The following FASTKD1 variants were observed in gnomAD, a reference collection of about 807,000 sequenced individuals.
FASTKD1 encodes the protein FAST kinase domains 1.
In FASTKD1, 94 loss-of-function variants were observed where a neutral mutation model predicts 90.9. The observed-to-expected ratio is 1.03, with a 90% CI of 0.88 to 1.23. The LOEUF (loss-of-function observed/expected upper bound fraction) is 1.23. Ranked by LOEUF, FASTKD1 falls within the 50% of genes most tolerant of loss-of-function variation. The probability of loss-of-function intolerance (pLI) is 0.00; values close to 1 mark genes in which losing one functional copy is unlikely to be tolerated. For missense variants in FASTKD1, 945 were observed against 993.5 expected, an observed-to-expected ratio of 0.95 and a Z score of 0.66; for synonymous variants, 319 against 345.8, an observed-to-expected ratio of 0.92 and a Z score of 0.86.
chr2:169,536,168 G>T (rs555263090), intron 12 of FASTKD1, among the ~76,000 whole-genome samples: 1 of 152,198 alleles, frequency 6.6e-6, no homozygotes, highest in South Asian at 2.1e-4. Context: ...CAAGGATAGT[G>T]TTAAATGCTT....
intron 9 of FASTKD1, among the ~76,000 whole-genome samples, chr2:169,542,721 T>A (rs1431335801): frequency 6.6e-6 from 1 of 152,184 alleles, no homozygotes; most frequent in Non-Finnish European, 1.5e-5. Flanking sequence ...ATAATTTTTT[T>A]AAAGACCTTT....
chr2:169,564,683 T>C (rs992276277), intron 3 of FASTKD1, among the ~76,000 whole-genome samples: 3 of 152,100 alleles, frequency 2.0e-5, no homozygotes, highest in African/African-American at 7.2e-5. Context: ...TTATTTTTTT[T>C]TACCCATTAA....
intron 3 of FASTKD1, among the ~76,000 whole-genome samples, chr2:169,566,367 T>C (rs913783735): frequency 6.6e-6 from 1 of 152,186 alleles, no homozygotes; most frequent in Non-Finnish European, 1.5e-5. Flanking sequence ...TTGTTGAAGC[T>C]GGAGGATGGG....
chr2:169,548,790 A>T lies in FASTKD1; in HGVS notation c.1215-2086T>A, dbSNP rs542706056. ...ATAGAAGTAGTGGAAGGAATAATACAATCTAAATTAAAACAAAATTGAGGC... is the reference window on the plus strand; with the variant it reads ...ATAGAAGTAGTGGAAGGAATAATACTATCTAAATTAAAACAAAATTGAGGC... On this transcript the variant is annotated intron_variant, in intron 7 of 14. Transcript: ENST00000453153. Among the ~76,000 whole-genome samples, 19 of 151,306 alleles carry T rather than the reference A, an allele frequency of 1.3e-4. No homozygotes were observed. In the East Asian group the frequency reaches 3.7e-3, roughly 30 times the overall value.
At chr2:169,562,358 G>A (rs564942969) in intron 4 of FASTKD1, among the ~76,000 whole-genome samples, 3 of 151,758 alleles carry the variant, frequency 2.0e-5, no homozygotes, top group South Asian at 2.1e-4. Context: ...TCAGCCTCCC[G>A]AGTAGCTGGG....
In FASTKD1 at chr2:169,560,542, A is replaced by C; in HGVS notation, c.816T>G (p.Leu272=). Residue 272 remains leucine, a synonymous_variant, in exon 5 of 15, where the codon CTT becomes CTG. Transcript: ENST00000453153. ...HLDLDSISKI[L]SVYKFLQFNS... is the part of the protein sequence containing the mutation. Reference sequence around the variant, plus strand: ...TAAATTGTAGAAATTTGTATACACTAAGTATTTTACTGATGGAATCCAAAT... The same window carrying C: ...TAAATTGTAGAAATTTGTATACACTCAGTATTTTACTGATGGAATCCAAAT... 6.2e-7 allele frequency: 1 copy of C among 1,604,210 alleles called. No individual in the cohort carries two copies. Among genetic ancestry groups the C allele is most frequent in the Non-Finnish European group, 8.5e-7 (1 of 1,175,704 alleles).
At chr2:169,530,046 G>T in intron 14 of FASTKD1, 120 bp from the exon 15 acceptor site, 1 of 713,834 alleles carries the variant, frequency 1.4e-6, no homozygotes, top group Non-Finnish European at 2.3e-6. Context: ...GTTTACATAA[G>T]GATAGCCTGT....
chr2:169,540,200 T>C lies in FASTKD1; in HGVS notation c.1817-21A>G, dbSNP rs551796975. 1.0e-5 allele frequency: 16 copies of C among 1,526,484 alleles called. No homozygotes were observed. The South Asian group carries it at 1.8e-4, about 17-fold the overall frequency. The allele number at this position is 1,526,484 out of a possible 1,614,324, so 94.6% of individuals were successfully genotyped here. A position where few individuals can be genotyped will look rare whatever the true frequency, so the allele number is the denominator to read the frequency against. On this transcript the variant is annotated intron_variant, in intron 9 of 14. Coordinates refer to ENST00000453153, the MANE Select transcript of FASTKD1 (RefSeq NM_024622.6). ...TATACCTAAAAGAAAATTAAGATTTTTTTAAAGGTATAGCTGCCTCACTTA... is the reference window on the plus strand; with the variant it reads ...TATACCTAAAAGAAAATTAAGATTTCTTTAAAGGTATAGCTGCCTCACTTA...
At chr2:169,570,180 C>T (rs1254490690) in intron 2 of FASTKD1, among the ~76,000 whole-genome samples, 1 of 152,156 alleles carries the variant, frequency 6.6e-6, no homozygotes, top group East Asian at 1.9e-4. Flanking sequence ...GAGAAAACTG[C>T]TCTTTTTCAT....
intron 9 of FASTKD1, 133 bp from the exon 10 acceptor site, chr2:169,540,312 A>T: frequency 1.1e-6 from 1 of 899,204 alleles, no homozygotes; most frequent in Admixed American, 3.4e-5. Context: ...CACTGTTACA[A>T]GACAGGATAA....
intron 4 of FASTKD1, among the ~76,000 whole-genome samples, chr2:169,561,866 ATTAT>A (rs1250218187): frequency 6.7e-5 from 9 of 133,842 alleles, no homozygotes; most frequent in Admixed American, 1.5e-4. Context: ...TTGTAAAATA[ATTAT>A]TTATTAATTT....
intron 7 of FASTKD1, among the ~76,000 whole-genome samples, chr2:169,547,884 C>CAA (rs1158292826): frequency 0.029 from 619 of 21,332 alleles, 82 homozygotes; most frequent in Middle Eastern, 0.12. Flanking sequence ...GACTCCATCT[C>CAA]AAAAAAAAAA....
chr2:169,561,665 T>C (rs1277926967), intron 4 of FASTKD1, among the ~76,000 whole-genome samples: 1 of 149,620 alleles, frequency 6.7e-6, no homozygotes, highest in Non-Finnish European at 1.5e-5. Context: ...AATTTGTTTA[T>C]AAATTAATTA....
At chr2:169,570,265 C>G (rs1684172375) in intron 2 of FASTKD1, among the ~76,000 whole-genome samples, 1 of 152,074 alleles carries the variant, frequency 6.6e-6, no homozygotes, top group Non-Finnish European at 1.5e-5. Flanking sequence ...AGCCTTCATT[C>G]AGGGAACCCA....
Position 169,563,277 on chromosome 2 carries a change from C to G in FASTKD1, c.520G>C (p.Gly174Arg). 1 of 1,611,820 alleles carries G rather than the reference C, an allele frequency of 6.2e-7. No homozygotes were observed. Among genetic ancestry groups the G allele is most frequent in the Non-Finnish European group, 8.5e-7 (1 of 1,179,174 alleles). ...DQHLYFSPLM[G>R]KIADIVHRNL... The stretch of plus-strand genomic sequence containing the variant: ...CTATGAACAATATCAGCTATTTTTC[C>G]CATTAATGGACTAAAATACAAATGC... The change falls in exon 4 of 15, where the codon GGA becomes CGA. Residue 174 changes from glycine (G) to arginine (R), a missense_variant. Gly to Arg is a moderately radical substitution (Grantham distance 125). Transcript: ENST00000453153.
intron 2 of FASTKD1, among the ~76,000 whole-genome samples, chr2:169,570,193 G>A (rs2683449): frequency 0.74 from 112,632 of 152,144 alleles, 42,015 homozygotes; most frequent in East Asian, 0.95. Flanking sequence ...TTTTTCATCA[G>A]TGAGACTAAT....
At position 169,563,281 on chromosome 2, in the gene FASTKD1, TAATGGACTAA is replaced by T. The variant is rs1683794151; in HGVS notation, c.506_515del (p.Phe169Ter). ...GAACAATATCAGCTATTTTTCCCAT[TAATGGACTAA>T]AATACAAATGCTGATCTGCTAGGCA... On this transcript the variant is annotated frameshift_variant, in exon 4 of 15. Coordinates refer to ENST00000453153, the MANE Select transcript of FASTKD1 (RefSeq NM_024622.6). LOFTEE classifies it high-confidence loss of function. 1.9e-6 allele frequency: 3 copies of T among 1,612,364 alleles called. No individual in the cohort carries two copies. Among genetic ancestry groups the T allele is most frequent in the Non-Finnish European group, 1.7e-6 (2 of 1,179,292 alleles).
chr2:169,565,035 A>G (rs552253356), intron 3 of FASTKD1, among the ~76,000 whole-genome samples: 13 of 146,324 alleles, frequency 8.9e-5, no homozygotes, highest in African/African-American at 3.3e-4. Context: ...GTTCACTGCA[A>G]CCTCCGCCTC....
intron 4 of FASTKD1, among the ~76,000 whole-genome samples, chr2:169,561,764 T>TTTATTATAAATTATTTATTAAA (rs1372418320): frequency 1.1e-4 from 16 of 140,022 alleles, no homozygotes; most frequent in Non-Finnish European, 1.1e-4. Flanking sequence ...TATTTATTAA[T>TTTATTATAAATTATTTATTAAA]TTATTGTAAA....
Sources: gnomAD v4.1 joint callset for allele counts (sites outside exome capture counted in the v4.1 genomes callset) on GRCh38, gnomAD v4.1.1 for gene constraint, MANE v1.5 for transcripts, NCBI Gene and HGNC (gene_info 2026-07-23, HGNC 2026-07-21) for gene names.